Variants in IRAK1BP1 observed in about 807,000 individuals in gnomAD.
The protein encoded by IRAK1BP1 is interleukin 1 receptor associated kinase 1 binding protein 1.
A neutral mutation model predicts 28.0 loss-of-function variants in IRAK1BP1; 24 were observed. The ratio of observed to expected loss-of-function variants is 0.86; its 90% CI spans 0.62 to 1.20. The LOEUF (loss-of-function observed/expected upper bound fraction) is 1.20. Ranked by LOEUF, IRAK1BP1 falls within the 50% of genes most tolerant of loss-of-function variation. The pLI is 0.00. For synonymous variants in IRAK1BP1, 131 were observed against 116.3 expected (o/e 1.13, Z -0.81); for missense variants, 336 against 316.7 (o/e 1.06, Z -0.46).
At chr6:78,950,343 C>A (rs1774072071), downstream of IRAK1BP1, among the ~76,000 whole-genome samples, 1 of 152,106 alleles carries the variant, frequency 6.6e-6, no homozygotes, top group Admixed American at 6.5e-5. Flanking sequence ...GTTTTGAGAT[C>A]AGGGGAACAC....
downstream of IRAK1BP1, among the ~76,000 whole-genome samples, chr6:78,950,691 C>T (rs980960115): frequency 1.3e-5 from 2 of 151,840 alleles, no homozygotes; most frequent in Non-Finnish European, 2.9e-5. Context: ...CAGTGATATG[C>T]TCTATATCAT....
At chr6:78,918,399 C>T (rs191815966) in intron 4 of IRAK1BP1, among the ~76,000 whole-genome samples, 25 of 151,772 alleles carry the variant, frequency 1.6e-4, no homozygotes, top group African/African-American at 3.1e-4. Context: ...GAGGCAGAGA[C>T]AAGTTGAAGA....
chr6:78,891,893 T>C (rs751960856), intron 2 of IRAK1BP1, among the ~76,000 whole-genome samples: 1 of 152,226 alleles, frequency 6.6e-6, no homozygotes, highest in Admixed American at 6.5e-5. Flanking sequence ...ATGCCTGCTA[T>C]GTGTTAAGCA....
rs536484449 is a variant in IRAK1BP1, at chr6:78,901,621, G to C, written c.*3287G>C. 1.3e-5 allele frequency: 2 copies of C among 151,928 alleles called. No homozygotes were observed. The highest frequency in any genetic ancestry group is 4.2e-4 in the South Asian group (2 of 4,816). 9.4% of individuals were successfully genotyped at this position (151,928 alleles called of 1,614,324 possible). ...AATTCTAAATAGGATATTTGAAACA[G>C]ACCCACTGTATCCTAAATGGAAGTG... On this transcript the variant is annotated 3_prime_UTR_variant, in exon 4 of 4. Coordinates refer to ENST00000369940, the MANE Select transcript of IRAK1BP1 (RefSeq NM_001010844.4).
At chr6:78,962,717 T>G in the IRAK1BP1 span, among the ~76,000 whole-genome samples, 1 of 152,126 alleles carries the variant, frequency 6.6e-6, no homozygotes, top group Admixed American at 6.6e-5. Flanking sequence ...GTGTGTATAT[T>G]AAGTTGGGGG....
Position 78,902,898 on chromosome 6 carries a change from T to C in IRAK1BP1, c.*4564T>C, listed in dbSNP as rs1772153948. The C allele has an allele frequency of 3.0e-6, 2 of 675,714 alleles. No homozygotes were observed. Among genetic ancestry groups the C allele is most frequent in the Non-Finnish European group, 2.5e-6 (1 of 396,396 alleles). 41.9% of individuals were successfully genotyped at this position (675,714 alleles called of 1,614,324 possible). On this transcript the variant is annotated 3_prime_UTR_variant, in exon 4 of 4. Coordinates refer to ENST00000369940, the MANE Select transcript of IRAK1BP1 (RefSeq NM_001010844.4). Reference sequence around the variant, plus strand: ...AGACACTGCTCTTCAAGAGAGGTAATATTAATAGAAATCTTTCAAGAAGGA... The same window carrying C: ...AGACACTGCTCTTCAAGAGAGGTAACATTAATAGAAATCTTTCAAGAAGGA...
At chr6:78,965,582 C>G in the IRAK1BP1 span, 1 of 623,328 alleles carries the variant, frequency 1.6e-6, no homozygotes, top group Non-Finnish European at 2.9e-6. Flanking sequence ...AAATATTTGC[C>G]AAATGAATGT....
At chr6:78,868,076 C>T (rs1401126901) in intron 1 of IRAK1BP1, among the ~76,000 whole-genome samples, 185 bp downstream of exon 1, 1 of 152,142 alleles carries the variant, frequency 6.6e-6, no homozygotes, top group Non-Finnish European at 1.5e-5. Context: ...ACCCATTCTT[C>T]TCCTAGACGA....
At chr6:78,961,960 A>C in the IRAK1BP1 span, 4 of 609,524 alleles carry the variant, frequency 6.6e-6, no homozygotes, top group African/African-American at 7.5e-5. Context: ...TGTAGCTGAC[A>C]TAAAGAGTCT....
intron 4 of IRAK1BP1, chr6:78,940,018 TAGAC>T (rs756285344): frequency 6.6e-6 from 1 of 152,314 alleles, no homozygotes. Flanking sequence ...TCTGAAAAAT[TAGAC>T]AGTCAAATGT....
chr6:78,884,790 G>A (rs1369167768), intron 1 of IRAK1BP1, among the ~76,000 whole-genome samples: 1 of 152,020 alleles, frequency 6.6e-6, no homozygotes, highest in Non-Finnish European at 1.5e-5. Context: ...TTAAAACACT[G>A]ACACTCAACA....
chr6:78,941,327 T>A, intron 4 of IRAK1BP1: 1 of 1,611,850 alleles, frequency 6.2e-7, no homozygotes, highest in Non-Finnish European at 8.5e-7. Flanking sequence ...GTTCTTACAA[T>A]CTCCTAAAAG....
intron 2 of IRAK1BP1, among the ~76,000 whole-genome samples, chr6:78,892,427 G>A (rs573805263): frequency 6.6e-6 from 1 of 152,176 alleles, no homozygotes; most frequent in African/African-American, 2.4e-5. Context: ...AACAATAAAA[G>A]TGTCTTTCTC....
chr6:78,975,724 C>G, the IRAK1BP1 span, among the ~76,000 whole-genome samples: 1 of 152,080 alleles, frequency 6.6e-6, no homozygotes, highest in Non-Finnish European at 1.5e-5. Flanking sequence ...TTCCTATACA[C>G]CAACAACGGA....
chr6:78,872,145 C>T (rs1342537929), intron 1 of IRAK1BP1: 1 of 700,038 alleles, frequency 1.4e-6, no homozygotes, highest in Non-Finnish European at 2.6e-6. Flanking sequence ...GGTATGTGTT[C>T]CACCCTGGTT....
the IRAK1BP1 span, among the ~76,000 whole-genome samples, chr6:78,967,860 C>T: frequency 2.6e-5 from 4 of 151,954 alleles, no homozygotes; most frequent in African/African-American, 4.8e-5. Flanking sequence ...ATCGGCCGGG[C>T]GCGGTGGCTC....
intron 1 of IRAK1BP1, among the ~76,000 whole-genome samples, chr6:78,880,776 A>G (rs1640007059): frequency 1.3e-5 from 2 of 152,220 alleles, no homozygotes; most frequent in Admixed American, 6.5e-5. Context: ...ACATGAAAAG[A>G]TACTCAACAT....
chr6:78,950,884 T>C (rs1774103482), downstream of IRAK1BP1, among the ~76,000 whole-genome samples: 1 of 152,162 alleles, frequency 6.6e-6, no homozygotes, highest in African/African-American at 2.4e-5. Flanking sequence ...GGCTTACCTT[T>C]GGGTGATTTT....
At chr6:78,919,867 A>T (rs1772672456) in intron 4 of IRAK1BP1, among the ~76,000 whole-genome samples, 1 of 152,176 alleles carries the variant, frequency 6.6e-6, no homozygotes, top group Non-Finnish European at 1.5e-5. Context: ...AAAACACATA[A>T]TGAAAAAAGA....
Sources: allele counts gnomAD v4.1 joint callset (sites outside exome capture counted in the v4.1 genomes callset), GRCh38; gene constraint gnomAD v4.1.1; transcripts MANE v1.5; gene names NCBI Gene and HGNC (gene_info 2026-07-23, HGNC 2026-07-21).